The following AAK1 variants were observed in gnomAD, a reference collection of about 807,000 sequenced individuals.
AAK1 encodes AP2 associated kinase 1, also known as AP2-associated protein kinase 1.
In AAK1, 37 loss-of-function variants were observed where a neutral mutation model predicts 116.0. That is an observed-to-expected ratio of 0.32 (90% CI 0.25 to 0.42). The LOEUF is 0.42. Ranked by LOEUF, AAK1 falls within the 10% of genes least tolerant of loss-of-function variation. The probability of loss-of-function intolerance (pLI) is 1.00; values close to 1 mark genes in which losing one functional copy is unlikely to be tolerated. For synonymous variants in AAK1, 458 were observed against 439.9 expected (o/e 1.04, Z -0.51); for missense variants, 919 against 1,170.6 (o/e 0.79, Z 3.14).
intron 2 of AAK1, among the ~76,000 whole-genome samples, chr2:69,586,544 A>G (rs990349925): frequency 5.3e-5 from 8 of 152,066 alleles, no homozygotes; most frequent in East Asian, 1.9e-4. Flanking sequence ...TAGGCTAAAA[A>G]CTCTTCAAAG....
intron 2 of AAK1, among the ~76,000 whole-genome samples, chr2:69,574,829 G>A (rs1403010512): frequency 6.6e-6 from 1 of 151,848 alleles, no homozygotes; most frequent in African/African-American, 2.4e-5. Context: ...AATAGCTGGT[G>A]GTGCACACTT....
At chr2:69,557,075 G>C (rs1671413982) in intron 2 of AAK1, 97 bp from the exon 3 acceptor site, 1 of 816,972 alleles carries the variant, frequency 1.2e-6, no homozygotes, top group African/African-American at 1.7e-5. Context: ...ACTGCTAATG[G>C]TACTAATGCC....
At chr2:69,477,240 T>C (rs1674889323) in intron 20 of AAK1, among the ~76,000 whole-genome samples, 2 of 152,260 alleles carry the variant, frequency 1.3e-5, no homozygotes, top group South Asian at 4.1e-4. Context: ...AAGAATTCTA[T>C]TATTTATAAG....
intron 3 of AAK1, among the ~76,000 whole-genome samples, chr2:69,549,939 A>G (rs1215913078): frequency 6.6e-6 from 1 of 152,240 alleles, no homozygotes; most frequent in Non-Finnish European, 1.5e-5. Flanking sequence ...TGATCAATGT[A>G]TCTTCTATTT....
Position 69,466,488 on chromosome 2 carries a change from C to A in AAK1, c.*9381G>T, listed in dbSNP as rs1421059665. 1.6e-6 allele frequency: 2 copies of A among 1,259,752 alleles called. No homozygotes were observed. Among genetic ancestry groups the A allele is most frequent in the Non-Finnish European group, 2.1e-6 (2 of 972,114 alleles). The allele number at this position is 1,259,752 out of a possible 1,614,324, so 78.0% of individuals were successfully genotyped here. A position where few individuals can be genotyped will look rare whatever the true frequency, so the allele number is the denominator to read the frequency against. ...TGGATACAGCGGAAGGCCTTTAACA[C>A]CCAGTGATTCTTTAAAGTGCTCTAC... On this transcript the variant is annotated 3_prime_UTR_variant, in exon 22 of 22. Coordinates refer to ENST00000409085, the MANE Select transcript of AAK1 (RefSeq NM_014911.5).
chr2:69,625,122 T>C (rs1674837364), intron 2 of AAK1, among the ~76,000 whole-genome samples: 1 of 152,188 alleles, frequency 6.6e-6, no homozygotes, highest in Non-Finnish European at 1.5e-5. Context: ...ACAAGAGATA[T>C]AAAACCCACG....
chr2:69,519,176 G>A lies in AAK1; in HGVS notation c.1275C>T (p.Ser425=). ...TGGCCTGAGTTTGCGGCAGAGGCTG[G>A]CTGGGTGGGGCTTGGGGTTTTGGTT... ...VPQPKPQAPP[S]QPLPQTQAKQ... Residue 425 remains serine, a synonymous_variant, in exon 12 of 22, where the codon AGC becomes AGT. Coordinates refer to ENST00000409085, the MANE Select transcript of AAK1 (RefSeq NM_014911.5). 6.3e-7 allele frequency: 1 copy of A among 1,587,520 alleles called. No homozygotes were observed. The highest frequency in any genetic ancestry group is 8.6e-7 in the Non-Finnish European group (1 of 1,166,910).
intron 16 of AAK1, among the ~76,000 whole-genome samples, chr2:69,501,890 G>C (rs1157091279): frequency 6.6e-6 from 1 of 152,146 alleles, no homozygotes; most frequent in African/African-American, 2.4e-5. Flanking sequence ...AGAATTGCTT[G>C]AACCCAGGAG....
At position 69,519,116 on chromosome 2, in the gene AAK1, C is replaced by G. The variant is rs747819771; in HGVS notation, c.1335G>C (p.Thr445=). 1 of 1,556,784 alleles carries G rather than the reference C, an allele frequency of 6.4e-7. No individual in the cohort carries two copies. Among genetic ancestry groups the G allele is most frequent in the Non-Finnish European group, 8.7e-7 (1 of 1,149,680 alleles). The change falls in exon 12 of 22, where the codon ACG becomes ACC. Residue 445 remains threonine (T), a synonymous_variant. Transcript: ENST00000409085. ...QPQAPPTPQQ[T]PSTQAQGLPA... ...GCAGACCCTGGGCCTGAGTAGAAGG[C>G]GTCTGCTGTGGAGTGGGAGGAGCCT...
chr2:69,479,188 G>A (rs1476711632), intron 19 of AAK1, 127 bp from the exon 20 acceptor site: 4 of 658,132 alleles, frequency 6.1e-6, no homozygotes, highest in Non-Finnish European at 1.0e-5. Context: ...GCCAAAGCGG[G>A]AGAATAAAAA....
At chr2:69,517,916 G>A (rs544316694) in intron 12 of AAK1, among the ~76,000 whole-genome samples, 3 of 152,238 alleles carry the variant, frequency 2.0e-5, no homozygotes, top group Admixed American at 6.5e-5. Flanking sequence ...GCTTGAGGCC[G>A]GGAGTTTGAG....
chr2:69,562,009 G>C (rs1211843016), intron 2 of AAK1, among the ~76,000 whole-genome samples: 6 of 152,208 alleles, frequency 3.9e-5, no homozygotes, highest in Non-Finnish European at 5.9e-5. Context: ...ATTTTTTCTA[G>C]CTTTTGGGTA....
At chr2:69,514,098 G>C (rs1318443646) in intron 13 of AAK1, among the ~76,000 whole-genome samples, 2 of 152,168 alleles carry the variant, frequency 1.3e-5, no homozygotes, top group Non-Finnish European at 2.9e-5. Flanking sequence ...GGCCTGGAAA[G>C]GGCACAATGG....
chr2:69,633,581 C>G (rs1210208612), intron 2 of AAK1, among the ~76,000 whole-genome samples: 1 of 138,872 alleles, frequency 7.2e-6, no homozygotes, highest in African/African-American at 2.7e-5. Context: ...AGCCTGGCGA[C>G]AGAATGAGAC....
rs200991581 is a variant in AAK1, at chr2:69,461,804, C to A, written c.*14065G>T. ...ACAGGGTTTCACCATGTTGGCCAGG[C>A]TGGTCTCAAACTCCTACCCTCAAGT... On this transcript the variant is annotated 3_prime_UTR_variant, in exon 22 of 22. Transcript: ENST00000409085. 1,030 of 287,004 alleles carry A rather than the reference C, an allele frequency of 3.6e-3. 7 individuals are homozygous for A. The highest frequency in any genetic ancestry group is 0.011 in the South Asian group (431 of 37,484). 17.8% of individuals were successfully genotyped at this position (287,004 alleles called of 1,614,324 possible).
At position 69,643,087 on chromosome 2, in the gene AAK1, T is replaced by G; in HGVS notation, c.-47A>C. ...AGCAAAATACCGATGGTTTCTAGAT[T>G]TTTTTTTTTTTTTTTTTTTTTTAAG... is the stretch of plus-strand genomic sequence containing the variant. On this transcript the variant is annotated 5_prime_UTR_variant, in exon 2 of 22. Transcript: ENST00000409085. The G allele has an allele frequency of 4.3e-6, 2 of 463,952 alleles. No homozygotes were observed. Among genetic ancestry groups the G allele is most frequent in the Non-Finnish European group, 3.4e-6 (1 of 294,758 alleles). 28.7% of individuals were successfully genotyped at this position (463,952 alleles called of 1,614,324 possible). A position where few individuals can be genotyped will look rare whatever the true frequency, so the allele number is the denominator to read the frequency against.
intron 2 of AAK1, among the ~76,000 whole-genome samples, chr2:69,638,525 A>T (rs1675550460): frequency 6.6e-6 from 1 of 152,220 alleles, no homozygotes; most frequent in African/African-American, 2.4e-5. Context: ...AGTGAGTAGC[A>T]AGCACCTCCA....
chr2:69,517,661 C>T (rs944642645), intron 12 of AAK1, among the ~76,000 whole-genome samples: 1 of 151,310 alleles, frequency 6.6e-6, no homozygotes, highest in East Asian at 1.9e-4. Context: ...CCAGTGTACA[C>T]GGAAGACGGT....
chr2:69,517,714 C>G (rs1406341461), intron 12 of AAK1, among the ~76,000 whole-genome samples: 1 of 148,064 alleles, frequency 6.8e-6, no homozygotes, highest in African/African-American at 2.5e-5. Context: ...CAGCTAAACC[C>G]AGAATGCCAA....
Sources: allele counts gnomAD v4.1 joint callset (sites outside exome capture counted in the v4.1 genomes callset), GRCh38; gene constraint gnomAD v4.1.1; transcripts MANE v1.5; gene names NCBI Gene and HGNC (gene_info 2026-07-23, HGNC 2026-07-21).